The following AGPAT3 variants were observed in gnomAD, a reference collection of about 807,000 sequenced individuals.
AGPAT3 encodes the protein 1-acylglycerol-3-phosphate O-acyltransferase 3.
Under a neutral mutation model 47.3 loss-of-function variants are expected in AGPAT3, and 5 were observed. The ratio of observed to expected loss-of-function variants is 0.11; its 90% CI spans 0.06 to 0.22. The LOEUF (loss-of-function observed/expected upper bound fraction) is 0.22. Ranked by LOEUF, AGPAT3 falls within the 10% of genes least tolerant of loss-of-function variation. The pLI, the probability that AGPAT3 is intolerant of heterozygous loss-of-function variation, is 1.00. For missense variants in AGPAT3, 315 were observed against 493.0 expected (o/e 0.64, Z 3.42); for synonymous variants, 212 against 208.3 (o/e 1.02, Z -0.15).
At chr21:43,870,915 T>C (rs7275972) in intron 1 of AGPAT3, among the ~76,000 whole-genome samples, 102,026 of 151,974 alleles carry the variant, frequency 0.67, 35,392 homozygotes, top group Admixed American at 0.78. Context: ...GAGGCCTCTT[T>C]CACAGGGTCT....
intron 2 of AGPAT3, among the ~76,000 whole-genome samples, chr21:43,926,998 A>C (rs2087078905): frequency 6.6e-6 from 1 of 150,998 alleles, no homozygotes; most frequent in African/African-American, 2.4e-5. Context: ...AAAAAAAAAA[A>C]AAAGAGACAG....
At chr21:43,961,585 C>CAT (rs4051941) in intron 3 of AGPAT3, among the ~76,000 whole-genome samples, 62,250 of 132,088 alleles carry the variant, frequency 0.47, 16,446 homozygotes, top group African/African-American at 0.63. Flanking sequence ...CACTTTGTCT[C>CAT]GTGGGAAATG....
At chr21:43,945,398 A>G (rs1413143482) in intron 2 of AGPAT3, among the ~76,000 whole-genome samples, 1 of 152,068 alleles carries the variant, frequency 6.6e-6, no homozygotes, top group Non-Finnish European at 1.5e-5. Context: ...TACACATTTC[A>G]TTTCACTTCA....
intron 3 of AGPAT3, chr21:43,960,674 CTAAT>C: frequency 1.1e-6 from 1 of 923,192 alleles, no homozygotes; most frequent in Non-Finnish European, 1.3e-6. Flanking sequence ...TCACTGGAGA[CTAAT>C]TATGCGGCAC....
chr21:43,917,860 G>A lies in AGPAT3; in HGVS notation c.-49+13841G>A, dbSNP rs867163986. Among the ~76,000 whole-genome samples the A allele has an allele frequency of 1.5e-4, 21 of 136,606 alleles. 1 individual carries two copies. The highest frequency in any genetic ancestry group is 7.9e-3 in the Middle Eastern group (2 of 252). 89.6% of individuals were successfully genotyped at this position (136,606 alleles called of 152,430 possible). On this transcript the variant is annotated intron_variant, in intron 2 of 9. Coordinates refer to ENST00000291572, the MANE Select transcript of AGPAT3 (RefSeq NM_020132.5). ...GTGTTGTGTTGTGGGTGTTGTAGGA[G>A]TTGTGAGTGTTGTGGGGGTTGTGGG...
rs371108965 is a variant in AGPAT3 at position 43,959,191 on chromosome 21, G to A, written c.-48-443G>A. Among the ~76,000 whole-genome samples, 5 of 141,752 alleles carry A rather than the reference G, an allele frequency of 3.5e-5. No individual in the cohort carries two copies. In the East Asian group the frequency reaches 6.6e-4, roughly 19 times the overall value. The allele number at this position is 141,752 out of a possible 152,430, so 93.0% of individuals were successfully genotyped here. A position where few individuals can be genotyped will look rare whatever the true frequency, so the allele number is the denominator to read the frequency against. On this transcript the variant is annotated intron_variant, in intron 2 of 9. Transcript: ENST00000291572. ...GTGTGTGGTTTGCAGTGTGTGTGGC[G>A]TGTGTGGTGTGTGATGTGTGGCATG...
rs991439713 is a variant in AGPAT3 at position 43,908,880 on chromosome 21, G to A, written c.-49+4861G>A. 6.6e-6 allele frequency among the ~76,000 whole-genome samples: 1 copy of A among 152,106 alleles called. No individual in the cohort carries two copies. The highest frequency in any genetic ancestry group is 2.4e-5 in the African/African-American group (1 of 41,418). On this transcript the variant is annotated intron_variant, in intron 2 of 9. Transcript: ENST00000291572. This position sits in a 1 kb window ranked among gnomAD's most constrained non-coding sequence, Gnocchi z 4.9. The stretch of plus-strand genomic sequence containing the variant: ...TTTTTGGATGAGGGTACAGGCTCAG[G>A]CTCAGCTCACACGGTCCCCGGATGC...
Position 43,955,257 on chromosome 21 carries a change from A to G in AGPAT3, c.-48-4377A>G, listed in dbSNP as rs1297126674. On this transcript the variant is annotated intron_variant, in intron 2 of 9. Transcript: ENST00000291572. This position sits in a 1 kb window ranked among gnomAD's most constrained non-coding sequence, Gnocchi z 4.1. The stretch of plus-strand genomic sequence containing the variant: ...CTCTAGAAAAGGTAAATTAACCTAT[A>G]GAGCTGGAAAGCTGACCTGCATTGT... 6 of 1,189,116 alleles carry G rather than the reference A, an allele frequency of 5.0e-6. No individual in the cohort carries two copies. The South Asian group carries it at 7.4e-5, about 15-fold the overall frequency. The allele number at this position is 1,189,116 out of a possible 1,614,324, so 73.7% of individuals were successfully genotyped here. A position where few individuals can be genotyped will look rare whatever the true frequency, so the allele number is the denominator to read the frequency against.
chr21:43,987,009 T>C lies in AGPAT3; in HGVS notation c.*4617T>C, dbSNP rs1475190680. 6.6e-6 allele frequency among the ~76,000 whole-genome samples: 1 copy of C among 152,246 alleles called. No homozygotes were observed. The highest frequency in any genetic ancestry group is 1.5e-5 in the Non-Finnish European group (1 of 68,036). On this transcript the variant is annotated 3_prime_UTR_variant, in exon 10 of 10. Transcript: ENST00000291572. ...TTGCCGTGCTGTGCGAGGACCTGTGTACACAGGCAGGTGTGCGCCTGCCCG... is the reference window on the plus strand; with the variant it reads ...TTGCCGTGCTGTGCGAGGACCTGTGCACACAGGCAGGTGTGCGCCTGCCCG...
chr21:43,886,673 C>T (rs1459099791), intron 1 of AGPAT3, among the ~76,000 whole-genome samples: 4 of 152,188 alleles, frequency 2.6e-5, no homozygotes, highest in South Asian at 4.1e-4. Flanking sequence ...TTTTACATCC[C>T]ACAAATAAGT....
chr21:43,925,049 G>A (rs2087008786), intron 2 of AGPAT3: 1 of 152,258 alleles, frequency 6.6e-6, no homozygotes, highest in East Asian at 1.9e-4. Context: ...GGCCTCTTTT[G>A]TGAGTGTGGG....
intron 7 of AGPAT3, among the ~76,000 whole-genome samples, chr21:43,975,014 C>T (rs1307815672): frequency 1.3e-5 from 2 of 151,964 alleles, no homozygotes; most frequent in African/African-American, 4.8e-5. Context: ...GTGCTGTGTG[C>T]TGTTGTGTAC....
chr21:43,881,966 C>G (rs2085863019), intron 1 of AGPAT3, among the ~76,000 whole-genome samples: 1 of 152,258 alleles, frequency 6.6e-6, no homozygotes, highest in Admixed American at 6.5e-5. Flanking sequence ...CTATTAAAAA[C>G]ATTTTTTTGC....
intron 1 of AGPAT3, among the ~76,000 whole-genome samples, chr21:43,885,054 G>T (rs952980730): frequency 4.6e-5 from 7 of 152,274 alleles, no homozygotes; most frequent in Admixed American, 6.5e-5. Context: ...CTTCAATGCA[G>T]TGACGTGCGG....
At chr21:43,892,115 C>A (rs534734493) in intron 1 of AGPAT3, among the ~76,000 whole-genome samples, 1 of 151,958 alleles carries the variant, frequency 6.6e-6, no homozygotes, top group Non-Finnish European at 1.5e-5. Context: ...GAGACCAGCA[C>A]GGCCAACATG....
At chr21:43,959,302 TGTG>T (rs1275739076) in intron 2 of AGPAT3, among the ~76,000 whole-genome samples, 5 of 131,440 alleles carry the variant, frequency 3.8e-5, no homozygotes, top group Admixed American at 7.5e-5. Context: ...TGTGATGAGC[TGTG>T]GTGTGTGGCG....
intron 1 of AGPAT3, among the ~76,000 whole-genome samples, chr21:43,879,384 T>C (rs2085805531): frequency 6.8e-6 from 1 of 146,042 alleles, no homozygotes; most frequent in African/African-American, 2.5e-5. Context: ...TCCAACATGC[T>C]AAGACTGAGT....
Position 43,952,390 on chromosome 21 carries a change from C to T in AGPAT3, c.-48-7244C>T, listed in dbSNP as rs1015524500. Among the ~76,000 whole-genome samples, 2 of 152,186 alleles carry T rather than the reference C, an allele frequency of 1.3e-5. No homozygotes were observed. The highest frequency in any genetic ancestry group is 2.9e-5 in the Non-Finnish European group (2 of 68,018). ...TAAGGTCACATTTCGAGGACCTGGGCATTACCTTTGTGGAAGGAACTCAGT... is the reference window on the plus strand; with the variant it reads ...TAAGGTCACATTTCGAGGACCTGGGTATTACCTTTGTGGAAGGAACTCAGT... On this transcript the variant is annotated intron_variant, in intron 2 of 9. Transcript: ENST00000291572. This position sits in a 1 kb window ranked among gnomAD's most constrained non-coding sequence, Gnocchi z 5.6.
chr21:43,892,911 G>A (rs574907246), intron 1 of AGPAT3, among the ~76,000 whole-genome samples: 4 of 152,204 alleles, frequency 2.6e-5, no homozygotes, highest in South Asian at 4.2e-4. Flanking sequence ...GCTGGGCAAC[G>A]TGACAAAATC....
Sources: allele counts gnomAD v4.1 joint callset (sites outside exome capture counted in the v4.1 genomes callset), GRCh38; gene constraint gnomAD v4.1.1; non-coding constraint Gnocchi (gnomAD v3.1); transcripts MANE v1.5; gene names NCBI Gene and HGNC (gene_info 2026-07-23, HGNC 2026-07-21).